Variants in IQCK observed in about 807,000 individuals in gnomAD.
IQCK encodes the protein IQ domain-containing protein K.
A neutral mutation model predicts 28.1 loss-of-function variants in IQCK; 29 were observed. The observed-to-expected ratio is 1.03, with a 90% CI of 0.77 to 1.41. The LOEUF (loss-of-function observed/expected upper bound fraction) is 1.41. Ranked by LOEUF, IQCK falls within the 40% of genes most tolerant of loss-of-function variation. IQCK has a pLI of 0.00. For missense variants in IQCK, 359 were observed against 314.7 expected, an observed-to-expected ratio of 1.14 and a Z score of -1.07; for synonymous variants, 113 against 115.1, an observed-to-expected ratio of 0.98 and a Z score of 0.12.
intron 7 of IQCK, among the ~76,000 whole-genome samples, chr16:19,810,144 G>A (rs1003146077): frequency 6.6e-6 from 1 of 152,244 alleles, no homozygotes; most frequent in Non-Finnish European, 1.5e-5. Context: ...GCTGGCTACA[G>A]TATGCACAAG....
At chr16:19,735,389 C>G (rs1567536076) in exon 4 of IQCK, 2 of 1,614,094 alleles carry the variant, frequency 1.2e-6, no homozygotes, top group Middle Eastern at 1.6e-4. Flanking sequence ...TTCATCTTTC[C>G]TGTTCTGCTT....
intron 7 of IQCK, among the ~76,000 whole-genome samples, chr16:19,807,145 G>A (rs967050982): frequency 1.1e-4 from 16 of 152,306 alleles, no homozygotes; most frequent in African/African-American, 3.4e-4. Context: ...CCCTATGGGG[G>A]CACCTACATG....
chr16:19,753,218 TG>T (rs1405139754), intron 4 of IQCK, among the ~76,000 whole-genome samples: 1 of 149,930 alleles, frequency 6.7e-6, no homozygotes, highest in African/African-American at 2.5e-5. Context: ...GAGACCAGCC[TG>T]GGCAACATAG....
intron 4 of IQCK, among the ~76,000 whole-genome samples, chr16:19,743,051 A>T (rs1473028481): frequency 1.1e-4 from 16 of 152,184 alleles, no homozygotes; most frequent in Non-Finnish European, 4.4e-5. Flanking sequence ...CGTGCCTGTA[A>T]TTCCAGCTAC....
intron 7 of IQCK, among the ~76,000 whole-genome samples, chr16:19,823,077 T>G (rs1031036984): frequency 6.6e-6 from 1 of 152,046 alleles, no homozygotes; most frequent in Admixed American, 6.6e-5. Context: ...GGGACTGTGT[T>G]TGTGTCCTAA....
At chr16:19,851,348 A>G (rs1477129796) in intron 9 of IQCK, among the ~76,000 whole-genome samples, 1 of 152,196 alleles carries the variant, frequency 6.6e-6, no homozygotes, top group Admixed American at 6.5e-5. Flanking sequence ...GGTGGGGCCC[A>G]GGAATCTATA....
At chr16:19,755,092 G>T (rs2055035121) in intron 4 of IQCK, among the ~76,000 whole-genome samples, 1 of 152,198 alleles carries the variant, frequency 6.6e-6, no homozygotes, top group African/African-American at 2.4e-5. Flanking sequence ...TAGGCCAAGT[G>T]TATGCTTATT....
intron 1 of IQCK, among the ~76,000 whole-genome samples, chr16:19,721,491 G>T (rs917041007): frequency 6.6e-6 from 1 of 152,016 alleles, no homozygotes; most frequent in Non-Finnish European, 1.5e-5. Flanking sequence ...ACTTCTTCCC[G>T]GCCAACACTT....
intron 9 of IQCK, among the ~76,000 whole-genome samples, chr16:19,844,461 T>A (rs1397856242): frequency 6.6e-6 from 1 of 152,110 alleles, no homozygotes; most frequent in African/African-American, 2.4e-5. Context: ...AAGAAGAGTA[T>A]GGGGCACATT....
exon 10 of IQCK, chr16:19,856,521 A>C (rs2056565070): frequency 1.2e-6 from 2 of 1,614,058 alleles, no homozygotes; most frequent in Non-Finnish European, 1.7e-6. Flanking sequence ...CAGTACCTGC[A>C]GCCAAGATGA....
intron 4 of IQCK, among the ~76,000 whole-genome samples, chr16:19,743,775 T>G (rs1159962358): frequency 6.6e-6 from 1 of 152,224 alleles, no homozygotes; most frequent in African/African-American, 2.4e-5. Context: ...GGTCAGATTC[T>G]GACATGAAAG....
In IQCK at chr16:19,821,699, A is replaced by G. The variant is rs151307227; in HGVS notation, c.691-5327A>G. 1.9e-3 allele frequency among the ~76,000 whole-genome samples: 296 copies of G among 152,256 alleles called. 2 individuals carry two copies. The highest frequency in any genetic ancestry group is 3.9e-4 in the East Asian group (2 of 5,176). ...ACAGAACGAGACTCCGTCTCAATAA[A>G]TAAATAAACAAACAAAAACTCATAC... On this transcript the variant is annotated intron_variant, in intron 7 of 7. Coordinates refer to ENST00000564186, the Ensembl canonical transcript of IQCK.
At chr16:19,721,759 G>A (rs138447313) in intron 1 of IQCK, among the ~76,000 whole-genome samples, 4,598 of 151,884 alleles carry the variant, frequency 0.03, 211 homozygotes, top group African/African-American at 0.1. Context: ...CTAATTTTTT[G>A]TAGAGATGGG....
chr16:19,761,456 G>A (rs1462978791), intron 4 of IQCK: 1 of 452,148 alleles, frequency 2.2e-6, no homozygotes, highest in South Asian at 1.6e-5. Context: ...ATCTGGATGG[G>A]CAAAGAGGAT....
intron 7 of IQCK, among the ~76,000 whole-genome samples, chr16:19,818,161 GAT>G (rs1597585692): frequency 6.6e-6 from 1 of 152,290 alleles, no homozygotes; most frequent in Non-Finnish European, 1.5e-5. Flanking sequence ...TGGCTAGTAA[GAT>G]ATGATAACTC....
At chr16:19,728,020 A>T (rs1977714812) in intron 1 of IQCK, among the ~76,000 whole-genome samples, 1 of 152,018 alleles carries the variant, frequency 6.6e-6, no homozygotes. Flanking sequence ...TAACCAGCTG[A>T]CTTTAAATTA....
At chr16:19,735,313 C>T (rs764526855) in intron 3 of IQCK, 40 bp from the exon 4 acceptor site, 3 of 1,428,274 alleles carry the variant, frequency 2.1e-6, no homozygotes, top group South Asian at 1.1e-5. Flanking sequence ...GCTCGGGCCA[C>T]TGGGGATTTG....
At chr16:19,847,110 G>A (rs1460900889) in intron 9 of IQCK, among the ~76,000 whole-genome samples, 2 of 152,130 alleles carry the variant, frequency 1.3e-5, no homozygotes, top group Non-Finnish European at 2.9e-5. Context: ...AATGAGGATA[G>A]CATCTACCTC....
chr16:19,771,618 A>C (rs2055322022), intron 6 of IQCK, among the ~76,000 whole-genome samples: 1 of 152,216 alleles, frequency 6.6e-6, no homozygotes, highest in Non-Finnish European at 1.5e-5. Flanking sequence ...AGAAAAATGC[A>C]CAGATCACCG....
Sources: allele counts gnomAD v4.1 joint callset (sites outside exome capture counted in the v4.1 genomes callset), GRCh38; gene constraint gnomAD v4.1.1; transcripts MANE v1.5; gene names NCBI Gene and HGNC (gene_info 2026-07-23, HGNC 2026-07-21).